Variants in IARS1 observed in about 807,000 individuals in gnomAD.
IARS1 encodes the protein isoleucyl-tRNA synthetase 1, also known as isoleucine--tRNA ligase, cytoplasmic.
Under a neutral mutation model 168.2 loss-of-function variants are expected in IARS1, and 124 were observed. That is an observed-to-expected ratio of 0.74 (90% CI 0.64 to 0.86). The LOEUF is 0.86. IARS1 is among the 40% of genes least tolerant of loss of function. The probability of loss-of-function intolerance (pLI) is 0.00; values close to 1 mark genes in which losing one functional copy is unlikely to be tolerated. For missense variants in IARS1, 1,452 were observed against 1,515.8 expected (o/e 0.96, Z 0.70); for synonymous variants, 532 against 529.4 (o/e 1.00, Z -0.07).
At chr9:92,217,508 A>G (rs1838918739) in intron 33 of IARS1, among the ~76,000 whole-genome samples, 1 of 141,216 alleles carries the variant, frequency 7.1e-6, no homozygotes, top group East Asian at 1.9e-4. Context: ...AAGGATCAAC[A>G]AAATTGACAG....
chr9:92,253,441 T>C lies in IARS1; in HGVS notation c.2150A>G (p.Tyr717Cys), dbSNP rs1347905402. 6.2e-7 allele frequency: 1 copy of C among 1,612,108 alleles called. No homozygotes were observed. The highest frequency in any genetic ancestry group is 1.3e-5 in the African/African-American group (1 of 74,872). The change falls in exon 21 of 34, where the codon TAT becomes TGT. Residue 717 changes from tyrosine (Y) to cysteine (C), a missense_variant. Physicochemically the swap from Tyr to Cys is radical, Grantham distance 194 (BLOSUM62 -2). Coordinates refer to ENST00000443024, the MANE Select transcript of IARS1 (RefSeq NM_002161.6). ...CTTGACCAGGCGAGGCACCACAGTA[T>C]AAAGCCTATAAGCTAAAAGTAAGAC... ...FETEMAAYRL[Y>C]TVVPRLVKFV...
At position 92,240,801 on chromosome 9, in the gene IARS1, A is replaced by G. The variant is rs535322462; in HGVS notation, c.3283+55T>C. ...CATAAGTTTTTTTGGTTGTTTTTTC[A>G]CATCCATAAGTATAACTAAAAAAAA... On this transcript the variant is annotated intron_variant, in intron 30 of 33. Transcript: ENST00000443024. The G allele has an allele frequency of 1.1e-5, 11 of 1,043,700 alleles. No homozygotes were observed. In the South Asian group the frequency reaches 1.4e-4, roughly 13 times the overall value. The allele number at this position is 1,043,700 out of a possible 1,614,324, so 64.7% of individuals were successfully genotyped here.
chr9:92,259,149 C>T (rs1251200038), intron 18 of IARS1, 151 bp from the exon 19 acceptor site: 1 of 686,768 alleles, frequency 1.5e-6, no homozygotes, highest in Non-Finnish European at 2.4e-6. Context: ...CAATTTAAAA[C>T]TCACAAAACT....
chr9:92,227,412 A>G (rs76273322), intron 31 of IARS1, among the ~76,000 whole-genome samples: 75,223 of 124,720 alleles, frequency 0.6, 21,690 homozygotes, highest in African/African-American at 0.8. Context: ...CCTCCCGGAC[A>G]GGGCGGCTGG....
chr9:92,264,598 A>G (rs1832016805), intron 16 of IARS1, among the ~76,000 whole-genome samples: 4 of 152,172 alleles, frequency 2.6e-5, no homozygotes. Flanking sequence ...TTTTATGCAA[A>G]TACTCAAACA....
chr9:92,220,917 T>C (rs1401888414), intron 33 of IARS1, among the ~76,000 whole-genome samples: 2 of 152,112 alleles, frequency 1.3e-5, no homozygotes, highest in African/African-American at 4.8e-5. Flanking sequence ...TGAGCTGTGA[T>C]TGAGCCACTG....
In IARS1 at chr9:92,262,999, T is replaced by C. The variant is rs764868449; in HGVS notation, c.1757A>G (p.Asn586Ser). ...CAGGACAAGCCCATTCACAATTACG[T>C]TCTTGAAAGGCGGTTGTCCAAAGAG... is the stretch of plus-strand genomic sequence containing the variant. ...TALFGQPPFK[N>S]VIVNGLVLAS... Residue 586 changes from asparagine (N) to serine (S), a missense_variant, in exon 17 of 34, where the codon AAC becomes AGC. Transcript: ENST00000443024. The C allele has an allele frequency of 6.2e-7, 1 of 1,614,050 alleles. No homozygotes were observed. The highest frequency in any genetic ancestry group is 8.5e-7 in the Non-Finnish European group (1 of 1,179,982).
chr9:92,210,879 T>G lies in IARS1; in HGVS notation c.3717A>C (p.Glu1239Asp). The change falls in exon 34 of 34, where the codon GAA becomes GAC. Residue 1239 changes from glutamate to aspartate, a missense_variant. Glu to Asp is a conservative substitution (Grantham distance 45). Coordinates refer to ENST00000443024, the MANE Select transcript of IARS1 (RefSeq NM_002161.6). ...TATTCAAAGTCTTCACGGGGATGTC[T>G]TCTGTAATTTCTAGAATGGAAAGAA... ...LNETQTQEIT[E>D]DIPVKTLNMK... is the part of the protein sequence containing the mutation. 1.9e-6 allele frequency: 3 copies of G among 1,601,494 alleles called. No homozygotes were observed. Among genetic ancestry groups the G allele is most frequent in the Non-Finnish European group, 2.6e-6 (3 of 1,168,504 alleles).
intron 20 of IARS1, 40 bp downstream of exon 20, chr9:92,256,640 T>A (rs769689169): frequency 6.3e-7 from 1 of 1,582,308 alleles, no homozygotes; most frequent in East Asian, 2.3e-5. Context: ...ACAAAGAGAA[T>A]AGTCCTTATT....
chr9:92,218,976 C>T lies in IARS1; in HGVS notation c.3706+3544G>A, dbSNP rs1259027011. ...CCCGCAACGCCAAGTCAATCCTAAGCCAAAAGAACAAGGCTGGAGGCATCA... is the reference window on the plus strand; with the variant it reads ...CCCGCAACGCCAAGTCAATCCTAAGTCAAAAGAACAAGGCTGGAGGCATCA... On this transcript the variant is annotated intron_variant, in intron 33 of 33. Transcript: ENST00000443024. Among the ~76,000 whole-genome samples, 10 of 152,240 alleles carry T rather than the reference C, an allele frequency of 6.6e-5. No homozygotes were observed. In the East Asian group the frequency reaches 1.9e-3, roughly 29 times the overall value.
rs763344380 is a variant in IARS1 at position 92,250,687 on chromosome 9, G to A, written c.2429+26C>T. The A allele has an allele frequency of 4.4e-6, 7 of 1,576,062 alleles. No individual in the cohort carries two copies. The South Asian group carries it at 4.7e-5, about 11-fold the overall frequency. On this transcript the variant is annotated intron_variant, in intron 23 of 33. Transcript: ENST00000443024. ...CAACTCTCCCCTCCTTGGCACAGGT[G>A]AGGCTTATTTCTATTTGAGTCCTAC...
chr9:92,258,738 T>A (rs985962580), intron 19 of IARS1, 116 bp downstream of exon 19: 2 of 1,069,232 alleles, frequency 1.9e-6, no homozygotes, highest in South Asian at 1.9e-5. Flanking sequence ...TACCCCAGCA[T>A]CAGGCAGCAG....
intron 22 of IARS1, chr9:92,251,276 G>A (rs1379807115): frequency 4.9e-6 from 2 of 407,340 alleles, no homozygotes; most frequent in Admixed American, 2.9e-5. Context: ...ATAAATAGGA[G>A]CCTTATAACA....
chr9:92,255,812 T>TG (rs11417710), intron 20 of IARS1, among the ~76,000 whole-genome samples: 61,450 of 151,860 alleles, frequency 0.4, 14,688 homozygotes, highest in African/African-American at 0.66. Context: ...TGGCATCTGA[T>TG]GGCACAATGG....
chr9:92,263,191 A>T (rs768754055), intron 16 of IARS1, 136 bp from the exon 17 acceptor site: 1 of 633,970 alleles, frequency 1.6e-6, no homozygotes, highest in Non-Finnish European at 2.8e-6. Context: ...ATGATTCTTA[A>T]TCCTGGTTAC....
At chr9:92,223,559 C>T in intron 31 of IARS1, 70 bp from the exon 32 acceptor site, 2 of 1,243,198 alleles carry the variant, frequency 1.6e-6, no homozygotes, top group Non-Finnish European at 1.1e-6. Context: ...TCAATTTTTC[C>T]TATTTAACTA....
intron 17 of IARS1, 127 bp from the exon 18 acceptor site, chr9:92,260,361 G>C: frequency 1.4e-6 from 1 of 740,120 alleles, no homozygotes; most frequent in South Asian, 1.5e-5. Flanking sequence ...TTAGATAGAA[G>C]TTAGTGCTAA....
intron 16 of IARS1, 42 bp downstream of exon 16, chr9:92,264,887 T>C: frequency 6.5e-7 from 1 of 1,535,148 alleles, no homozygotes. Context: ...CTAAATAAAA[T>C]AAAATCAATA....
intron 33 of IARS1, among the ~76,000 whole-genome samples, chr9:92,218,144 C>G (rs1225923193): frequency 6.6e-6 from 1 of 151,686 alleles, no homozygotes; most frequent in Non-Finnish European, 1.5e-5. Flanking sequence ...AAATGTAATC[C>G]AGCATATAAA....
Sources: allele counts gnomAD v4.1 joint callset (sites outside exome capture counted in the v4.1 genomes callset), GRCh38; gene constraint gnomAD v4.1.1; transcripts MANE v1.5; gene names NCBI Gene and HGNC (gene_info 2026-07-23, HGNC 2026-07-21).